The following XPR1 variants were observed in gnomAD, a reference collection of about 807,000 sequenced individuals.
The protein encoded by XPR1 is solute carrier family 53 member 1.
A neutral mutation model predicts 87.5 loss-of-function variants in XPR1; 28 were observed. That is an observed-to-expected ratio of 0.32 (90% CI 0.24 to 0.44). XPR1 has a LOEUF of 0.44. Among genes scored for constraint, XPR1 ranks in the 20% least tolerant of loss-of-function variants. XPR1 has a pLI of 1.00. For missense variants in XPR1, 559 were observed against 862.3 expected, an observed-to-expected ratio of 0.65 and a Z score of 4.41; for synonymous variants, 300 against 306.1, an observed-to-expected ratio of 0.98 and a Z score of 0.21.
At chr1:180,878,997 C>CT (rs1478829851) in intron 13 of XPR1, among the ~76,000 whole-genome samples, 1 of 152,226 alleles carries the variant, frequency 6.6e-6, no homozygotes, top group Non-Finnish European at 1.5e-5. Context: ...ACTGCAGACT[C>CT]TCGTCCACCT....
At chr1:180,854,162 A>G (rs1487455257) in intron 11 of XPR1, among the ~76,000 whole-genome samples, 2 of 152,220 alleles carry the variant, frequency 1.3e-5, no homozygotes, top group Admixed American at 6.5e-5. Flanking sequence ...TTTCACATTC[A>G]ACTTATTAAC....
At chr1:180,746,194 A>G (rs542159592) in intron 2 of XPR1, among the ~76,000 whole-genome samples, 1 of 152,074 alleles carries the variant, frequency 6.6e-6, no homozygotes, top group African/African-American at 2.4e-5. Context: ...GTGTTTCCTC[A>G]CTGAATGTTA....
At chr1:180,664,451 G>T (rs1309807498) in intron 1 of XPR1, among the ~76,000 whole-genome samples, 1 of 152,196 alleles carries the variant, frequency 6.6e-6, no homozygotes, top group East Asian at 1.9e-4. Flanking sequence ...CCAGGGCCTG[G>T]AATGGGGGGC....
intron 9 of XPR1, 50 bp from the exon 10 acceptor site, chr1:180,834,824 T>C (rs1403655098): frequency 1.3e-6 from 2 of 1,561,448 alleles, no homozygotes; most frequent in South Asian, 2.4e-5. Flanking sequence ...TGGAGACATT[T>C]AATACGACTT....
rs74133002 is a variant in XPR1 at position 180,652,458 on chromosome 1, A to G, written c.69+20188A>G. 5.9e-3 allele frequency among the ~76,000 whole-genome samples: 901 copies of G among 152,322 alleles called. 14 individuals are homozygous for G. The highest frequency in any genetic ancestry group is 0.02 in the African/African-American group (850 of 41,562). Reference sequence around the variant, plus strand: ...ATCAGAATAGGATTGTTAGACAAAGAAGATGAAGACTTAGTCTTCTGTCTG... The same window carrying G: ...ATCAGAATAGGATTGTTAGACAAAGGAGATGAAGACTTAGTCTTCTGTCTG... On this transcript the variant is annotated intron_variant, in intron 1 of 14. Coordinates refer to ENST00000367590, the MANE Select transcript of XPR1 (RefSeq NM_004736.4).
intron 1 of XPR1, among the ~76,000 whole-genome samples, chr1:180,643,204 C>T (rs766071280): frequency 4.6e-5 from 7 of 152,012 alleles, no homozygotes; most frequent in Non-Finnish European, 7.4e-5. Context: ...GAGTGCAAGA[C>T]CAAAGACAGG....
chr1:180,660,956 C>T lies in XPR1; in HGVS notation c.70-21404C>T, dbSNP rs185395410. Reference sequence around the variant, plus strand: ...GCTGAAAGTGGGGTGTTGAGATCTCCAGTTCTTACTGTACTGGAGTTTATC... The same window carrying T: ...GCTGAAAGTGGGGTGTTGAGATCTCTAGTTCTTACTGTACTGGAGTTTATC... On this transcript the variant is annotated intron_variant, in intron 1 of 14. Coordinates refer to ENST00000367590, the MANE Select transcript of XPR1 (RefSeq NM_004736.4). 1.7e-3 allele frequency among the ~76,000 whole-genome samples: 255 copies of T among 152,192 alleles called. 2 individuals are homozygous for T. The highest frequency in any genetic ancestry group is 5.8e-3 in the African/African-American group (242 of 41,522).
At chr1:180,636,708 C>G (rs1322507732) in intron 1 of XPR1, among the ~76,000 whole-genome samples, 1 of 151,992 alleles carries the variant, frequency 6.6e-6, no homozygotes, top group Non-Finnish European at 1.5e-5. Context: ...GTTGTAGGCC[C>G]CAAAGGAGTG....
intron 11 of XPR1, among the ~76,000 whole-genome samples, chr1:180,849,935 C>T (rs1411176747): frequency 6.6e-6 from 1 of 152,120 alleles, no homozygotes; most frequent in East Asian, 1.9e-4. Context: ...CAGGAGTTCC[C>T]CACCAACAAA....
chr1:180,637,050 CAAAA>C (rs34479247), intron 1 of XPR1, among the ~76,000 whole-genome samples: 2 of 81,600 alleles, frequency 2.5e-5, no homozygotes, highest in Non-Finnish European at 4.6e-5. Flanking sequence ...GACTTCATCT[CAAAA>C]AAAAAAAAAA....
intron 1 of XPR1, among the ~76,000 whole-genome samples, chr1:180,636,772 C>T (rs1654789766): frequency 6.6e-6 from 1 of 152,124 alleles, no homozygotes; most frequent in Non-Finnish European, 1.5e-5. Flanking sequence ...AGTAAGGGGG[C>T]TGGACACGGT....
intron 11 of XPR1, among the ~76,000 whole-genome samples, chr1:180,849,842 CA>C (rs1651806448): frequency 6.6e-6 from 1 of 152,086 alleles, no homozygotes; most frequent in Non-Finnish European, 1.5e-5. Context: ...CAGAGACAGT[CA>C]AGTGTTAGTT....
intron 1 of XPR1, among the ~76,000 whole-genome samples, chr1:180,652,134 A>G (rs1409590161): frequency 1.3e-5 from 2 of 152,150 alleles, no homozygotes; most frequent in African/African-American, 4.8e-5. Context: ...TCTACTAAAA[A>G]TACAAAAATT....
At chr1:180,824,454 G>T (rs770907328) in intron 7 of XPR1, among the ~76,000 whole-genome samples, 3 of 152,102 alleles carry the variant, frequency 2.0e-5, no homozygotes, top group Non-Finnish European at 2.9e-5. Flanking sequence ...GGTGGTGCGT[G>T]CCTGTAATCC....
chr1:180,874,074 C>T, intron 13 of XPR1, 132 bp downstream of exon 13: 1 of 1,144,162 alleles, frequency 8.7e-7, no homozygotes, highest in Non-Finnish European at 1.2e-6. Flanking sequence ...AATTTCTCCT[C>T]AGCCTTAGAA....
chr1:180,724,567 G>C (rs1468868689), intron 2 of XPR1, among the ~76,000 whole-genome samples: 1 of 151,266 alleles, frequency 6.6e-6, no homozygotes, highest in East Asian at 1.9e-4. Flanking sequence ...GGGTTTGTGG[G>C]TGTAAGGGGC....
chr1:180,762,564 A>T (rs1393950619), intron 2 of XPR1, among the ~76,000 whole-genome samples: 1 of 152,196 alleles, frequency 6.6e-6, no homozygotes, highest in African/African-American at 2.4e-5. Flanking sequence ...GGGAACTGTG[A>T]ACCAAAAAAT....
intron 14 of XPR1, among the ~76,000 whole-genome samples, chr1:180,880,591 T>C (rs1652821676): frequency 6.6e-6 from 1 of 152,212 alleles, no homozygotes; most frequent in Non-Finnish European, 1.5e-5. Context: ...GACTCTTCTG[T>C]GTGTTGTGTA....
intron 1 of XPR1, among the ~76,000 whole-genome samples, chr1:180,662,952 C>T (rs1176201879): frequency 6.6e-6 from 1 of 152,170 alleles, no homozygotes; most frequent in Non-Finnish European, 1.5e-5. Flanking sequence ...GCATTTTCAA[C>T]TCCAGAATTT....
Sources: allele counts gnomAD v4.1 joint callset (sites outside exome capture counted in the v4.1 genomes callset), GRCh38; gene constraint gnomAD v4.1.1; transcripts MANE v1.5; gene names NCBI Gene and HGNC (gene_info 2026-07-23, HGNC 2026-07-21).